Variants in IER3IP1 observed in about 807,000 individuals in gnomAD.
IER3IP1 encodes the protein immediate early response 3 interacting protein 1, also known as immediate early response 3-interacting protein 1.
A neutral mutation model predicts 12.2 loss-of-function variants in IER3IP1; 16 were observed. The observed-to-expected ratio is 1.31, with a 90% CI of 0.89 to 1.99. The LOEUF (loss-of-function observed/expected upper bound fraction) is 1.99, where lower values mean the gene tolerates loss of function less well. Ranked by LOEUF, IER3IP1 falls within the 30% of genes most tolerant of loss-of-function variation. The probability of loss-of-function intolerance (pLI) is 0.00; values close to 1 mark genes in which losing one functional copy is unlikely to be tolerated. For missense variants in IER3IP1, 95 were observed against 95.8 expected (o/e 0.99, Z 0.03); for synonymous variants, 42 against 40.0 (o/e 1.05, Z -0.19).
At chr18:47,158,539 G>A (rs1480022731) in intron 1 of IER3IP1, among the ~76,000 whole-genome samples, 4 of 151,772 alleles carry the variant, frequency 2.6e-5, no homozygotes, top group East Asian at 2.0e-4. Flanking sequence ...ATGGGGTTTC[G>A]TCATGTTACC....
At chr18:47,164,431 G>T (rs1443910229) in intron 1 of IER3IP1, among the ~76,000 whole-genome samples, 1 of 151,816 alleles carries the variant, frequency 6.6e-6, no homozygotes, top group East Asian at 1.9e-4. Flanking sequence ...CTGCTATATA[G>T]GGAGTCTCAG....
intron 1 of IER3IP1, among the ~76,000 whole-genome samples, chr18:47,160,150 G>A (rs573498645): frequency 1.3e-5 from 2 of 151,402 alleles, no homozygotes; most frequent in Admixed American, 6.6e-5. Context: ...AGCCGAGACC[G>A]TGCCATTGCA....
intron 1 of IER3IP1, among the ~76,000 whole-genome samples, chr18:47,174,622 T>C (rs1017839844): frequency 6.6e-6 from 1 of 151,660 alleles, no homozygotes; most frequent in Non-Finnish European, 1.5e-5. Context: ...TGAACCGAGA[T>C]TGCGCCACTG....
chr18:47,172,664 C>A lies in IER3IP1; in HGVS notation c.91+3523G>T, dbSNP rs1420466884. ...ACAGGATTCATCACGCTACTCAGAA[C>A]AGCTTGCAATTTAAAACATGAATTG... On this transcript the variant is annotated intron_variant, in intron 1 of 2. Transcript: ENST00000256433. The surrounding 1 kb of genome is among the most constrained non-coding windows in gnomAD (Gnocchi z 4.0). Among the ~76,000 whole-genome samples, 1 of 152,220 alleles carries A rather than the reference C, an allele frequency of 6.6e-6. No homozygotes were observed. The highest frequency in any genetic ancestry group is 1.5e-5 in the Non-Finnish European group (1 of 68,044).
intron 1 of IER3IP1, among the ~76,000 whole-genome samples, chr18:47,175,312 A>G (rs1433853846): frequency 6.6e-6 from 1 of 152,198 alleles, no homozygotes; most frequent in Non-Finnish European, 1.5e-5. Flanking sequence ...TTCTTGGAAC[A>G]TGAGTGTCTG....
At chr18:47,176,135 G>GC in intron 1 of IER3IP1, 52 bp downstream of exon 1, 1 of 1,473,418 alleles carries the variant, frequency 6.8e-7, no homozygotes, top group African/African-American at 1.4e-5. Flanking sequence ...TAGGTTACGC[G>GC]CCCCCGGGGA....
At chr18:47,161,636 C>T (rs2063980247) in intron 1 of IER3IP1, among the ~76,000 whole-genome samples, 1 of 152,246 alleles carries the variant, frequency 6.6e-6, no homozygotes, top group Middle Eastern at 3.4e-3. Context: ...CAGTCAGTTA[C>T]TCCAGCAGTC....
At chr18:47,163,798 AG>A (rs2063987395) in intron 1 of IER3IP1, among the ~76,000 whole-genome samples, 1 of 152,212 alleles carries the variant, frequency 6.6e-6, no homozygotes, top group South Asian at 2.1e-4. Flanking sequence ...CTCTGCAATT[AG>A]GTCTTCCTCC....
At chr18:47,167,910 G>A (rs2064001203) in intron 1 of IER3IP1, among the ~76,000 whole-genome samples, 1 of 151,858 alleles carries the variant, frequency 6.6e-6, no homozygotes, top group South Asian at 2.1e-4. Context: ...GATCACCTGA[G>A]GTCAGGAGTT....
chr18:47,157,522 T>G lies in IER3IP1; in HGVS notation c.107A>C (p.Asp36Ala), dbSNP rs1321995249. The G allele has an allele frequency of 6.2e-7, 1 of 1,613,982 alleles. No individual in the cohort carries two copies. The highest frequency in any genetic ancestry group is 8.5e-7 in the Non-Finnish European group (1 of 1,179,970). The change falls in exon 2 of 3, where the codon GAC becomes GCC. Residue 36 changes from aspartate to alanine, a missense_variant. Physicochemically the swap from Asp to Ala is moderately radical, Grantham distance 126. Coordinates refer to ENST00000256433, the MANE Select transcript of IER3IP1 (RefSeq NM_016097.5). ...TTCTCCAAATCCACCAATTCCCTGG[T>G]CTGTTCCCCAGCCAACTGTATAATG... is the stretch of plus-strand genomic sequence containing the variant. ...RFLKNIGWGT[D>A]QGIGGFGEEP...
intron 1 of IER3IP1, among the ~76,000 whole-genome samples, chr18:47,161,994 C>T (rs1439233870): frequency 6.6e-6 from 1 of 151,936 alleles, no homozygotes; most frequent in Non-Finnish European, 1.5e-5. Flanking sequence ...GAATCTAATG[C>T]CATCACTGAC....
At chr18:47,164,259 A>G (rs1447404714) in intron 1 of IER3IP1, among the ~76,000 whole-genome samples, 1 of 151,926 alleles carries the variant, frequency 6.6e-6, no homozygotes, top group African/African-American at 2.4e-5. Flanking sequence ...CCCAGTCTCT[A>G]TTCTTATGCC....
In IER3IP1 at chr18:47,172,658, T is replaced by C. The variant is rs1298082543; in HGVS notation, c.91+3529A>G. 6.6e-6 allele frequency among the ~76,000 whole-genome samples: 1 copy of C among 152,228 alleles called. No homozygotes were observed. The highest frequency in any genetic ancestry group is 1.5e-5 in the Non-Finnish European group (1 of 68,044). ...CATGATACAGGATTCATCACGCTAC[T>C]CAGAACAGCTTGCAATTTAAAACAT... is the stretch of plus-strand genomic sequence containing the variant. On this transcript the variant is annotated intron_variant, in intron 1 of 2. Transcript: ENST00000256433. The surrounding 1 kb of genome is among the most constrained non-coding windows in gnomAD (Gnocchi z 4.0).
chr18:47,159,147 A>G (rs1324802156), intron 1 of IER3IP1, among the ~76,000 whole-genome samples: 2 of 152,232 alleles, frequency 1.3e-5, no homozygotes, highest in African/African-American at 2.4e-5. Flanking sequence ...CCATATTCAC[A>G]AAGAGGTCAA....
intron 1 of IER3IP1, among the ~76,000 whole-genome samples, chr18:47,170,373 T>C (rs2064011429): frequency 6.6e-6 from 1 of 152,142 alleles, no homozygotes. Context: ...TTCAAGATTG[T>C]CTTGACTATT....
chr18:47,173,992 C>A (rs1013902854), intron 1 of IER3IP1, among the ~76,000 whole-genome samples: 2 of 152,194 alleles, frequency 1.3e-5, no homozygotes, highest in Non-Finnish European at 2.9e-5. Flanking sequence ...TCAATCTAAC[C>A]CAGTATGATC....
At chr18:47,171,805 T>G (rs1268800499) in intron 1 of IER3IP1, among the ~76,000 whole-genome samples, 1 of 152,160 alleles carries the variant, frequency 6.6e-6, no homozygotes, top group Non-Finnish European at 1.5e-5. Context: ...TTTGGTCTTT[T>G]TTTTTGAGAC....
At chr18:47,157,293 A>C (rs1276031447) in intron 2 of IER3IP1, 143 bp downstream of exon 2, 3 of 655,228 alleles carry the variant, frequency 4.6e-6, no homozygotes, top group South Asian at 3.7e-5. Context: ...AAAAAAACCC[A>C]GTAACTTTCA....
rs369848404 is a variant in IER3IP1 at position 47,176,260 on chromosome 18, G to C, written c.18C>G (p.Tyr6Ter). The change falls in exon 1 of 3, where the codon TAC (tyrosine) becomes TAG (stop). Residue 6 changes from tyrosine to a stop codon, truncating the protein, a stop_gained. Coordinates refer to ENST00000256433, the MANE Select transcript of IER3IP1 (RefSeq NM_016097.5). LOFTEE classifies it high-confidence loss of function. ...AGAGCAGGGCTGCCTGCAGCAGTGAGTACAGGGTAAAGGCCATGGCCGTCC... is the reference window on the plus strand; with the variant it reads ...AGAGCAGGGCTGCCTGCAGCAGTGACTACAGGGTAAAGGCCATGGCCGTCC... The part of the protein sequence containing the change: MAFTL[Y>*]SLLQAALLCV... The C allele has an allele frequency of 6.2e-7, 1 of 1,609,498 alleles. No individual in the cohort carries two copies. The highest frequency in any genetic ancestry group is 1.1e-5 in the South Asian group (1 of 90,178).
Sources: gnomAD v4.1 joint callset for allele counts (sites outside exome capture counted in the v4.1 genomes callset) on GRCh38, gnomAD v4.1.1 for gene constraint, Gnocchi (gnomAD v3.1) non-coding constraint, MANE v1.5 for transcripts, NCBI Gene and HGNC (gene_info 2026-07-23, HGNC 2026-07-21) for gene names.